The following GRID2 variants were observed in gnomAD, a reference collection of about 807,000 sequenced individuals.
GRID2 encodes glutamate receptor ionotropic, delta-2.
In GRID2, 33 loss-of-function variants were observed where a neutral mutation model predicts 114.8. That is an observed-to-expected ratio of 0.29 (90% CI 0.22 to 0.38). GRID2 has a LOEUF of 0.38. Among genes scored for constraint, GRID2 ranks in the 10% least tolerant of loss-of-function variants. The probability of loss-of-function intolerance (pLI) is 1.00; values close to 1 mark genes in which losing one functional copy is unlikely to be tolerated. For missense variants in GRID2, 1,184 were observed against 1,257.7 expected (o/e 0.94, Z 0.89); for synonymous variants, 505 against 449.9 (o/e 1.12, Z -1.55).
chr4:92,436,756 T>C (rs1189549395), intron 1 of GRID2, among the ~76,000 whole-genome samples: 1 of 152,116 alleles, frequency 6.6e-6, no homozygotes, highest in Non-Finnish European at 1.5e-5. Flanking sequence ...CTACATACAT[T>C]TAATATTGAA....
Position 93,003,251 on chromosome 4 carries a change from A to C in GRID2, c.245-81744A>C, listed in dbSNP as rs1361257051. Among the ~76,000 whole-genome samples, 3 of 152,112 alleles carry C rather than the reference A, an allele frequency of 2.0e-5. No individual in the cohort carries two copies. In the East Asian group the frequency reaches 5.8e-4, roughly 29 times the overall value. ...TTCAGTAAAGTTATTCTCAAAGGGC[A>C]GATTTTACAGGGCAATTTTTTGAAA... On this transcript the variant is annotated intron_variant, in intron 2 of 15. Coordinates refer to ENST00000282020, the MANE Select transcript of GRID2 (RefSeq NM_001510.4).
At chr4:92,826,506 G>A (rs1216913513) in intron 2 of GRID2, among the ~76,000 whole-genome samples, 1 of 151,956 alleles carries the variant, frequency 6.6e-6, no homozygotes, top group African/African-American at 2.4e-5. Flanking sequence ...ATTCCCACTG[G>A]AGTGTAAGTT....
intron 13 of GRID2, among the ~76,000 whole-genome samples, chr4:93,569,530 C>T (rs1348462323): frequency 6.6e-6 from 1 of 152,118 alleles, no homozygotes; most frequent in Non-Finnish European, 1.5e-5. Context: ...TCTGCATTTT[C>T]CTGAGGGATC....
At chr4:93,606,175 G>C (rs1365977955) in intron 13 of GRID2, among the ~76,000 whole-genome samples, 2 of 152,092 alleles carry the variant, frequency 1.3e-5, no homozygotes, top group Non-Finnish European at 2.9e-5. Context: ...GCTGAGGCTG[G>C]AGAATCACTT....
intron 2 of GRID2, among the ~76,000 whole-genome samples, chr4:92,970,101 A>G (rs1040593315): frequency 6.6e-6 from 1 of 151,944 alleles, no homozygotes; most frequent in Admixed American, 6.6e-5. Context: ...TGAATGTCTC[A>G]GTATTGCTCA....
chr4:93,807,433 C>T (rs569763886), exon 2 of GRID2: 2 of 152,176 alleles, frequency 1.3e-5, no homozygotes, highest in Non-Finnish European at 2.9e-5. Flanking sequence ...TCTAGAACAA[C>T]ATTATTTCAT....
chr4:93,809,648 G>C (rs758833963), exon 2 of GRID2: 8 of 152,082 alleles, frequency 5.3e-5, no homozygotes, highest in Non-Finnish European at 1.2e-4. Flanking sequence ...GGGAAAAATC[G>C]ATTCATTGTT....
At chr4:93,357,319 C>T (rs1761430722) in intron 8 of GRID2, among the ~76,000 whole-genome samples, 1 of 151,160 alleles carries the variant, frequency 6.6e-6, no homozygotes, top group South Asian at 2.1e-4. Flanking sequence ...ATTATTTATG[C>T]ATATTTTTCT....
chr4:92,431,053 A>C (rs1732416072), intron 1 of GRID2, among the ~76,000 whole-genome samples: 1 of 152,170 alleles, frequency 6.6e-6, no homozygotes. Flanking sequence ...GCTGAAAACG[A>C]GGATAATTTA....
intron 1 of GRID2, among the ~76,000 whole-genome samples, chr4:92,431,351 A>G (rs549520361): frequency 5.3e-5 from 8 of 152,154 alleles, no homozygotes; most frequent in Non-Finnish European, 8.8e-5. Context: ...TTAGGCATCT[A>G]TTGAAATGAT....
intron 11 of GRID2, among the ~76,000 whole-genome samples, chr4:93,456,906 C>G (rs1723258297): frequency 6.6e-6 from 1 of 152,154 alleles, no homozygotes; most frequent in Admixed American, 6.5e-5. Flanking sequence ...AGCCCTTAAA[C>G]CTTTTGTAAG....
intron 1 of GRID2, among the ~76,000 whole-genome samples, chr4:92,473,964 T>TTGTGTGTGTGTGTGTG (rs59328379): frequency 9.7e-5 from 14 of 144,356 alleles, no homozygotes; most frequent in Non-Finnish European, 1.8e-4. Context: ...GTTATCTTGG[T>TTGTGTGTGTGTGTGTG]TGTGTGTGTG....
chr4:93,438,579 T>C (rs1347958698), intron 10 of GRID2, among the ~76,000 whole-genome samples: 1 of 151,990 alleles, frequency 6.6e-6, no homozygotes, highest in African/African-American at 2.4e-5. Flanking sequence ...ACAAATGGCT[T>C]TTTCAACAAT....
chr4:93,769,945 T>G (rs1039122500), intron 15 of GRID2, among the ~76,000 whole-genome samples: 1 of 152,214 alleles, frequency 6.6e-6, no homozygotes, highest in African/African-American at 2.4e-5. Flanking sequence ...CTATAGAAGC[T>G]CTTCGATGGC....
chr4:92,850,560 A>G (rs1430053328), intron 2 of GRID2, among the ~76,000 whole-genome samples: 1 of 151,926 alleles, frequency 6.6e-6, no homozygotes, highest in Non-Finnish European at 1.5e-5. Context: ...TTACAAACCC[A>G]GATTGTGTAC....
chr4:93,106,169 G>T (rs2149345865), intron 3 of GRID2, among the ~76,000 whole-genome samples: 1 of 152,154 alleles, frequency 6.6e-6, no homozygotes, highest in Non-Finnish European at 1.5e-5. Flanking sequence ...ATAGCACCTA[G>T]TCACACCCAC....
At chr4:92,595,843 A>G (rs187390342) in intron 2 of GRID2, among the ~76,000 whole-genome samples, 1 of 152,256 alleles carries the variant, frequency 6.6e-6, no homozygotes, top group East Asian at 1.9e-4. Flanking sequence ...TCCATGGTGA[A>G]TATTTCTGGT....
chr4:92,639,109 G>GT lies in GRID2; in HGVS notation c.244+48824dup, dbSNP rs1731222284. 2.0e-5 allele frequency among the ~76,000 whole-genome samples: 3 copies of GT among 151,556 alleles called. No individual in the cohort carries two copies. The South Asian group carries it at 6.2e-4, about 32-fold the overall frequency. On this transcript the variant is annotated intron_variant, in intron 2 of 15. Coordinates refer to ENST00000282020, the MANE Select transcript of GRID2 (RefSeq NM_001510.4). ...TCCCTCATAATTGTTTAGAAATAAC[G>GT]TATCTTTAGAATGTGTCAATAATTT...
intron 12 of GRID2, among the ~76,000 whole-genome samples, chr4:93,506,003 C>T (rs1728588919): frequency 6.6e-6 from 1 of 152,156 alleles, no homozygotes; most frequent in Non-Finnish European, 1.5e-5. Flanking sequence ...TAGCCAACAG[C>T]AGTAAGACGT....
Sources: gnomAD v4.1 joint callset for allele counts (sites outside exome capture counted in the v4.1 genomes callset) on GRCh38, gnomAD v4.1.1 for gene constraint, MANE v1.5 for transcripts, NCBI Gene and HGNC (gene_info 2026-07-23, HGNC 2026-07-21) for gene names.